Variants in NFASC observed in about 807,000 individuals in gnomAD.
The protein encoded by NFASC is neurofascin homolog.
A neutral mutation model predicts 147.5 loss-of-function variants in NFASC; 43 were observed. That is an observed-to-expected ratio of 0.29 (90% CI 0.23 to 0.38). The LOEUF (loss-of-function observed/expected upper bound fraction) is 0.38. Among genes scored for constraint, NFASC ranks in the 10% least tolerant of loss-of-function variants. NFASC has a pLI of 1.00. For missense variants in NFASC, 1,320 were observed against 1,689.0 expected, an observed-to-expected ratio of 0.78 and a Z score of 3.83; for synonymous variants, 622 against 665.5, an observed-to-expected ratio of 0.93 and a Z score of 1.01.
Position 204,954,326 on chromosome 1 carries a change from C to CT in NFASC, c.356dup (p.Ala120ArgfsTer12). ...AGGAATATGAGGGGGAATATCAGTG[C>CT]TTCGCCCGCAACAAATTTGGCACGG... On this transcript the variant is annotated frameshift_variant, in exon 6 of 30. Coordinates refer to ENST00000339876, the MANE Select transcript of NFASC (RefSeq NM_001005388.3). LOFTEE classifies it high-confidence loss of function. This position sits in a 1 kb window ranked among gnomAD's most constrained non-coding sequence, Gnocchi z 5.7. 6.2e-7 allele frequency: 1 copy of CT among 1,614,204 alleles called. No homozygotes were observed.
rs779358893 is a variant in NFASC, at chr1:204,954,539, G to C, written c.412+155G>C. On this transcript the variant is annotated intron_variant, in intron 6 of 29. Transcript: ENST00000339876. The surrounding 1 kb of genome is among the most constrained non-coding windows in gnomAD (Gnocchi z 5.7). The stretch of plus-strand genomic sequence containing the variant: ...TTCCCCACCTCAGAATGATTCCCTG[G>C]AAAGGAAGCTCCCAAAGCTTCCTTT... 3.3e-5 allele frequency among the ~76,000 whole-genome samples: 5 copies of C among 152,158 alleles called. No homozygotes were observed. Among genetic ancestry groups the C allele is most frequent in the Non-Finnish European group, 5.9e-5 (4 of 68,024 alleles).
chr1:204,855,424 A>C (rs1410342993), intron 1 of NFASC, among the ~76,000 whole-genome samples: 1 of 151,882 alleles, frequency 6.6e-6, no homozygotes, highest in Non-Finnish European at 1.5e-5. Context: ...AAGATCAATA[A>C]TATTTTGATA....
At chr1:204,852,672 A>C (rs78760701) in intron 1 of NFASC, among the ~76,000 whole-genome samples, 2 of 152,172 alleles carry the variant, frequency 1.3e-5, no homozygotes, top group Non-Finnish European at 2.9e-5. Context: ...GCATGGCCAC[A>C]TGGGCAGTAT....
rs867253616 is a variant in NFASC at position 204,830,006 on chromosome 1, G to T, written c.-200+1224G>T. ...CTCCTTCCTTGGCATTTTGGCATGGGGTGTGTGTGTGTGTGTGTGTGTGTG... is the reference window on the plus strand; with the variant it reads ...CTCCTTCCTTGGCATTTTGGCATGGTGTGTGTGTGTGTGTGTGTGTGTGTG... On this transcript the variant is annotated intron_variant, in intron 1 of 29. Transcript: ENST00000339876. Among the ~76,000 whole-genome samples the T allele has an allele frequency of 3.2e-3, 463 of 144,116 alleles. 5 individuals carry two copies. Among genetic ancestry groups the T allele is most frequent in the African/African-American group, 0.011 (443 of 38,580 alleles). The allele number at this position is 144,116 out of a possible 152,430, so 94.5% of individuals were successfully genotyped here.
chr1:204,843,658 TCCTTCCTCCCTC>T (rs1676125382), intron 1 of NFASC, among the ~76,000 whole-genome samples: 1 of 81,258 alleles, frequency 1.2e-5, no homozygotes, highest in African/African-American at 4.2e-5. Context: ...CTCCCTCCCT[TCCTTCCTCCCTC>T]CCTTCCTCCC....
chr1:204,840,869 A>C (rs1675151525), intron 1 of NFASC, among the ~76,000 whole-genome samples: 1 of 152,268 alleles, frequency 6.6e-6, no homozygotes, highest in Non-Finnish European at 1.5e-5. Flanking sequence ...AGTGACTAGC[A>C]CAAACTGTTC....
At chr1:204,860,225 T>C (rs1221597665) in intron 1 of NFASC, among the ~76,000 whole-genome samples, 1 of 152,204 alleles carries the variant, frequency 6.6e-6, no homozygotes, top group East Asian at 1.9e-4. Flanking sequence ...GAAAACTAGC[T>C]GTATTGGAAA....
chr1:204,867,574 G>A (rs192654722), intron 1 of NFASC, among the ~76,000 whole-genome samples: 47 of 152,114 alleles, frequency 3.1e-4, no homozygotes, highest in Admixed American at 2.0e-3. Context: ...AAGTCAGATA[G>A]ATCCCCTGTG....
Position 205,018,899 on chromosome 1 carries a change from G to C in NFASC, c.*2360G>C, listed in dbSNP as rs2096381334. The C allele has an allele frequency of 6.6e-6, 1 of 152,256 alleles. No homozygotes were observed. The highest frequency in any genetic ancestry group is 1.5e-5 in the Non-Finnish European group (1 of 68,076). The allele number at this position is 152,256 out of a possible 1,614,324, so 9.4% of individuals were successfully genotyped here. On this transcript the variant is annotated 3_prime_UTR_variant, in exon 30 of 30. Transcript: ENST00000339876. The stretch of plus-strand genomic sequence containing the variant: ...CTGGGAAGGGCTGCTTCTCTCGTAA[G>C]GGTCTTGGGGAGAAGTAAGCCCGCA...
chr1:204,986,144 G>A lies in NFASC; in HGVS notation c.2471-1274G>A. 2 of 1,545,140 alleles carry A rather than the reference G, an allele frequency of 1.3e-6. No homozygotes were observed. The highest frequency in any genetic ancestry group is 1.8e-6 in the Non-Finnish European group (2 of 1,117,398). Reference sequence around the variant, plus strand: ...GTCTGGCCTGCAGCTCTTCAGGGTGGGGCAGGAGAAGGGTGGCACACACCT... The same window carrying A: ...GTCTGGCCTGCAGCTCTTCAGGGTGAGGCAGGAGAAGGGTGGCACACACCT... On this transcript the variant is annotated intron_variant, in intron 21 of 29. Transcript: ENST00000339876. The surrounding 1 kb of genome is among the most constrained non-coding windows in gnomAD (Gnocchi z 4.2).
intron 1 of NFASC, among the ~76,000 whole-genome samples, chr1:204,861,511 A>G (rs1037623376): frequency 6.6e-6 from 1 of 151,732 alleles, no homozygotes; most frequent in African/African-American, 2.4e-5. Flanking sequence ...TTTTTTTGAG[A>G]CGGAGTCTCG....
chr1:204,957,885 C>G (rs1342508448), intron 8 of NFASC, 59 bp downstream of exon 8: 5 of 1,533,700 alleles, frequency 3.3e-6, no homozygotes, highest in African/African-American at 2.7e-5. Context: ...ACTGATCCCA[C>G]CCAGCCCTAG....
intron 8 of NFASC, among the ~76,000 whole-genome samples, chr1:204,965,311 T>C (rs1027829605): frequency 2.0e-5 from 3 of 152,164 alleles, no homozygotes; most frequent in African/African-American, 7.2e-5. Flanking sequence ...TCTTCCTGTC[T>C]CTACTTCTCC....
Position 205,002,606 on chromosome 1 carries a change from G to C in NFASC, c.3147G>C (p.Thr1049=), listed in dbSNP as rs756429981. 1 of 1,521,982 alleles carries C rather than the reference G, an allele frequency of 6.6e-7. No homozygotes were observed. Among genetic ancestry groups the C allele is most frequent in the Non-Finnish European group, 8.9e-7 (1 of 1,118,624 alleles). 94.3% of individuals were successfully genotyped at this position (1,521,982 alleles called of 1,614,324 possible). ...FVVEYIDSNH[T]KKTVPVKAQA... ...GTTTCTGTTCCCCAGGCAACCATAC[G>C]AAAAAAACTGTCCCAGTTAAGGCCC... The change falls in exon 27 of 30, where the codon ACG becomes ACC. Residue 1049 remains threonine (T), a synonymous_variant. Coordinates refer to ENST00000339876, the MANE Select transcript of NFASC (RefSeq NM_001005388.3).
intron 1 of NFASC, among the ~76,000 whole-genome samples, chr1:204,914,364 G>T (rs1470485143): frequency 6.6e-6 from 1 of 152,152 alleles, no homozygotes; most frequent in African/African-American, 2.4e-5. Flanking sequence ...GTTCTCACAA[G>T]ATCTGATGGT....
intron 1 of NFASC, among the ~76,000 whole-genome samples, chr1:204,870,212 G>A (rs746396023): frequency 6.6e-6 from 1 of 152,148 alleles, no homozygotes; most frequent in Non-Finnish European, 1.5e-5. Context: ...TAGGGACAAG[G>A]GCCACACGCA....
At chr1:204,892,722 T>C (rs1386483385) in intron 1 of NFASC, among the ~76,000 whole-genome samples, 1 of 152,256 alleles carries the variant, frequency 6.6e-6, no homozygotes, top group Non-Finnish European at 1.5e-5. Context: ...GAATCTTGGG[T>C]TAAATAAAAT....
chr1:204,976,765 G>T lies in NFASC; in HGVS notation c.1801G>T (p.Asp601Tyr), dbSNP rs768967076. The T allele has an allele frequency of 3.1e-6, 5 of 1,613,930 alleles. No individual in the cohort carries two copies. In the African/African-American group the frequency reaches 6.7e-5, roughly 22 times the overall value. ...TGTCGCCAGCACCGAGCTAGACCAA[G>T]ACCTGGCCAAGGCCTACCTCACCGT... Reference protein sequence around the residue: ...TCVASTELDQDLAKAYLTVLA... With the variant: ...TCVASTELDQYLAKAYLTVLA... Residue 601 changes from aspartate to tyrosine, a missense_variant, in exon 16 of 30, where the codon GAC (aspartate) becomes TAC (tyrosine). Transcript: ENST00000339876.
At chr1:204,870,406 TA>T (rs1474025571) in intron 1 of NFASC, among the ~76,000 whole-genome samples, 3 of 152,008 alleles carry the variant, frequency 2.0e-5, no homozygotes, top group African/African-American at 7.2e-5. Context: ...ACATAAAGGT[TA>T]CATGACCAGC....
Sources: allele counts gnomAD v4.1 joint callset (sites outside exome capture counted in the v4.1 genomes callset), GRCh38; gene constraint gnomAD v4.1.1; non-coding constraint Gnocchi (gnomAD v3.1); transcripts MANE v1.5; gene names NCBI Gene and HGNC (gene_info 2026-07-23, HGNC 2026-07-21).